Variants in CFAP46 observed in about 807,000 individuals in gnomAD.
The protein encoded by CFAP46 is cilia- and flagella-associated protein 46.
CFAP46 carries 245 observed loss-of-function variants against 325.7 expected under a neutral mutation model. The ratio of observed to expected loss-of-function variants is 0.75; its 90% CI spans 0.68 to 0.84. The LOEUF is 0.84. Ranked by LOEUF, CFAP46 falls within the 40% of genes least tolerant of loss-of-function variation. The pLI is 0.00. For missense variants in CFAP46, 3,346 were observed against 3,543.0 expected (o/e 0.94, Z 1.41); for synonymous variants, 1,523 against 1,495.9 (o/e 1.02, Z -0.42).
In CFAP46 at chr10:132,920,145, G is replaced by C; in HGVS notation, c.1644C>G (p.Leu548=). ...CGGTGTGGTGCCACGCCTTCGCACA[G>C]AGGTAGGTGAACCGGCCCCTGTTCT... is the stretch of plus-strand genomic sequence containing the variant. ...TGKNRGRFTY[L]CAKAWHHTVS... is the part of the protein sequence containing the mutation. The change falls in exon 14 of 58, where the codon CTC becomes CTG. Residue 548 remains leucine (L), a synonymous_variant. Transcript: ENST00000368586. The C allele has an allele frequency of 6.5e-7, 1 of 1,548,380 alleles. No homozygotes were observed. Among genetic ancestry groups the C allele is most frequent in the East Asian group, 2.4e-5 (1 of 40,836 alleles).
Position 132,912,642 on chromosome 10 carries a change from A to T in CFAP46, c.2499+13T>A. 1 of 1,511,566 alleles carries T rather than the reference A, an allele frequency of 6.6e-7. No individual in the cohort carries two copies. Among genetic ancestry groups the T allele is most frequent in the Non-Finnish European group, 8.9e-7 (1 of 1,127,232 alleles). 93.6% of individuals were successfully genotyped at this position (1,511,566 alleles called of 1,614,324 possible). ...CTCTCTCTCTCTCTCTCTCGGCATC[A>T]TGGAGGTGGTACCTCCACCGCTGTT... On this transcript the variant is annotated intron_variant, in intron 19 of 57. Transcript: ENST00000368586.
At chr10:132,820,783 G>A (rs1385070144) in intron 50 of CFAP46, among the ~76,000 whole-genome samples, 3 of 142,748 alleles carry the variant, frequency 2.1e-5, no homozygotes, top group Admixed American at 7.0e-5. Flanking sequence ...GCGCTGATGC[G>A]TGCTGTGTGA....
intron 17 of CFAP46, among the ~76,000 whole-genome samples, chr10:132,916,257 GA>G (rs139677469): frequency 3.8e-4 from 58 of 152,064 alleles, no homozygotes; most frequent in South Asian, 6.2e-4. Context: ...GGGTGAGCAA[GA>G]GGGACACTAC....
intron 3 of CFAP46, among the ~76,000 whole-genome samples, 163 bp from the exon 4 acceptor site, chr10:132,941,223 G>A (rs184448502): frequency 1.4e-3 from 217 of 152,262 alleles, no homozygotes; most frequent in African/African-American, 5.0e-3. Flanking sequence ...GTGTCGTGGC[G>A]AGGTCCTGGA....
chr10:132,830,938 C>T lies in CFAP46; in HGVS notation c.7117+2420G>A, dbSNP rs115225441. ...GCTTAGTTCCATAAAGTCCTTCTTGCGCTTCAGCAGCATCCACACATAATG... is the reference window on the plus strand; with the variant it reads ...GCTTAGTTCCATAAAGTCCTTCTTGTGCTTCAGCAGCATCCACACATAATG... On this transcript the variant is annotated intron_variant, in intron 50 of 57. Coordinates refer to ENST00000368586, the MANE Select transcript of CFAP46 (RefSeq NM_001200049.3). Among the ~76,000 whole-genome samples, 3 of 152,186 alleles carry T rather than the reference C, an allele frequency of 2.0e-5. No homozygotes were observed. The South Asian group carries it at 6.2e-4, about 32-fold the overall frequency.
Position 132,918,425 on chromosome 10 carries a change from T to C in CFAP46, c.1954A>G (p.Lys652Glu). Residue 652 changes from lysine (K) to glutamate (E), a missense_variant, in exon 16 of 58, where the codon AAG becomes GAG. Lys to Glu is a moderately conservative substitution (Grantham distance 56). Transcript: ENST00000368586. Reference sequence around the variant, plus strand: ...TGGATGAACCCCACCTCCGCGAACTTCCGCAGCAGGTCGGGGCACACCTGC... The same window carrying C: ...TGGATGAACCCCACCTCCGCGAACTCCCGCAGCAGGTCGGGGCACACCTGC... ...QRQVCPDLLRKFAEVGFIHAE... is the reference protein window; with the variant it reads ...QRQVCPDLLREFAEVGFIHAE... 6.5e-7 allele frequency: 1 copy of C among 1,548,156 alleles called. No individual in the cohort carries two copies. The highest frequency in any genetic ancestry group is 8.7e-7 in the Non-Finnish European group (1 of 1,145,852).
intron 22 of CFAP46, among the ~76,000 whole-genome samples, chr10:132,907,447 G>A (rs534210603): frequency 1.3e-5 from 2 of 152,296 alleles, no homozygotes; most frequent in African/African-American, 4.8e-5. Flanking sequence ...CTATGCTGAC[G>A]ACGGGGACCT....
chr10:132,839,221 G>GT (rs11447188), intron 44 of CFAP46, among the ~76,000 whole-genome samples: 14,643 of 152,234 alleles, frequency 0.096, 1,906 homozygotes, highest in African/African-American at 0.3. Flanking sequence ...CTGATTTGTC[G>GT]TTTTTCCCTT....
intron 38 of CFAP46, among the ~76,000 whole-genome samples, chr10:132,857,997 A>C (rs1259027927): frequency 1.6e-4 from 25 of 152,246 alleles, no homozygotes; most frequent in Non-Finnish European, 2.9e-5. Context: ...TATAAAAATT[A>C]AGTGTGCGCT....
chr10:132,859,117 T>G lies in CFAP46; in HGVS notation c.5329A>C (p.Lys1777Gln), dbSNP rs1435123850. The part of the protein sequence containing the change: ...IERKFIDCGC[K>Q]ENCVDVKLER... ...AGTTTTACGTCAACACAATTCTCTT[T>G]GCAGCCACAGTCGATAAACTTTCTC... Residue 1777 changes from lysine (K) to glutamine (Q), a missense_variant, in exon 38 of 58, where the codon AAA becomes CAA. Lys to Gln is a moderately conservative substitution (Grantham distance 53, BLOSUM62 1). Coordinates refer to ENST00000368586, the MANE Select transcript of CFAP46 (RefSeq NM_001200049.3). 1.9e-6 allele frequency: 3 copies of G among 1,550,964 alleles called. No individual in the cohort carries two copies. Among genetic ancestry groups the G allele is most frequent in the Non-Finnish European group, 2.6e-6 (3 of 1,147,084 alleles).
chr10:132,892,220 A>C, intron 25 of CFAP46, 113 bp downstream of exon 25: 1 of 913,660 alleles, frequency 1.1e-6, no homozygotes, highest in Non-Finnish European at 1.7e-6. Context: ...AGTTACTGCC[A>C]AGTGGCTTCA....
At chr10:132,918,329 A>G in intron 16 of CFAP46, 64 bp downstream of exon 16, 1 of 1,100,478 alleles carries the variant, frequency 9.1e-7, no homozygotes, top group East Asian at 3.1e-5. Flanking sequence ...GCACCTCAGC[A>G]CCGATGAACC....
intron 29 of CFAP46, among the ~76,000 whole-genome samples, chr10:132,878,738 C>A (rs1848994133): frequency 6.6e-6 from 1 of 152,214 alleles, no homozygotes; most frequent in South Asian, 2.1e-4. Flanking sequence ...GGCCTCCCTG[C>A]CTTTCCTGCT....
rs1023803203 is a variant in CFAP46 at position 132,827,107 on chromosome 10, C to G, written c.7117+6251G>C. Among the ~76,000 whole-genome samples, 1 of 152,176 alleles carries G rather than the reference C, an allele frequency of 6.6e-6. No individual in the cohort carries two copies. The highest frequency in any genetic ancestry group is 1.5e-5 in the Non-Finnish European group (1 of 68,018). On this transcript the variant is annotated intron_variant, in intron 50 of 57. Coordinates refer to ENST00000368586, the MANE Select transcript of CFAP46 (RefSeq NM_001200049.3). This position sits in a 1 kb window ranked among gnomAD's most constrained non-coding sequence, Gnocchi z 5.7. ...GCTCCGGGCTCCCTGCCTCTCCACC[C>G]GGCACTCCCACCCTCTCCACAGCCT... is the stretch of plus-strand genomic sequence containing the variant.
chr10:132,861,208 A>G (rs930033862), intron 35 of CFAP46, among the ~76,000 whole-genome samples: 10 of 152,152 alleles, frequency 6.6e-5, no homozygotes, highest in Admixed American at 5.9e-4. Flanking sequence ...CTCCTGCCCC[A>G]CTGTGGTTCC....
intron 22 of CFAP46, among the ~76,000 whole-genome samples, chr10:132,900,190 GC>G (rs560805560): frequency 8.6e-4 from 131 of 152,302 alleles, no homozygotes; most frequent in African/African-American, 3.1e-3. Context: ...CACAGAACCA[GC>G]CCCTCTTTTG....
chr10:132,873,794 G>A (rs539675901), intron 31 of CFAP46, among the ~76,000 whole-genome samples: 1 of 152,262 alleles, frequency 6.6e-6, no homozygotes, highest in South Asian at 2.1e-4. Context: ...TCGGGAGAGC[G>A]AGCGAGGGGT....
intron 39 of CFAP46, among the ~76,000 whole-genome samples, chr10:132,855,678 T>C (rs1396390315): frequency 1.3e-5 from 2 of 152,214 alleles, no homozygotes; most frequent in East Asian, 3.8e-4. Flanking sequence ...TCATGCAGCA[T>C]ACATCTGTAT....
chr10:132,899,796 G>A, intron 22 of CFAP46, 130 bp from the exon 23 acceptor site: 1 of 1,065,932 alleles, frequency 9.4e-7, no homozygotes, highest in Non-Finnish European at 1.3e-6. Context: ...TGGCCCACAA[G>A]CACATGTGCA....
Sources: gnomAD v4.1 joint callset for allele counts (sites outside exome capture counted in the v4.1 genomes callset) on GRCh38, gnomAD v4.1.1 for gene constraint, Gnocchi (gnomAD v3.1) non-coding constraint, MANE v1.5 for transcripts, NCBI Gene and HGNC (gene_info 2026-07-23, HGNC 2026-07-21) for gene names.